The following PAQR5 variants were observed in gnomAD, a reference collection of about 807,000 sequenced individuals.
The protein encoded by PAQR5 is progestin and adipoQ receptor family member 5.
Under a neutral mutation model 34.5 loss-of-function variants are expected in PAQR5, and 20 were observed. The ratio of observed to expected loss-of-function variants is 0.58; its 90% CI spans 0.41 to 0.84. PAQR5 has a LOEUF of 0.84. Ranked by LOEUF, PAQR5 falls within the 40% of genes least tolerant of loss-of-function variation. The pLI is 0.00. For missense variants in PAQR5, 378 were observed against 412.7 expected, an observed-to-expected ratio of 0.92 and a Z score of 0.73; for synonymous variants, 131 against 155.6, an observed-to-expected ratio of 0.84 and a Z score of 1.18.
At chr15:69,337,960 C>T (rs1243990991) in intron 2 of PAQR5, among the ~76,000 whole-genome samples, 1 of 151,952 alleles carries the variant, frequency 6.6e-6, no homozygotes, top group Admixed American at 6.5e-5. Context: ...ACCTGTGGTC[C>T]CAGTTACTTG....
chr15:69,357,623 A>G (rs1174186104), intron 2 of PAQR5, among the ~76,000 whole-genome samples: 1 of 152,182 alleles, frequency 6.6e-6, no homozygotes, highest in Non-Finnish European at 1.5e-5. Context: ...TTGTTCATTC[A>G]TCCTTTAATG....
chr15:69,316,748 G>A (rs1300004043), intron 1 of PAQR5, among the ~76,000 whole-genome samples: 7 of 152,184 alleles, frequency 4.6e-5, no homozygotes, highest in Non-Finnish European at 8.8e-5. Context: ...TAGTTGCTCT[G>A]GGGATTATAA....
rs1368456230 is a variant in PAQR5 at position 69,385,871 on chromosome 15, C to T, written c.385+989C>T. 6.6e-6 allele frequency among the ~76,000 whole-genome samples: 1 copy of T among 151,422 alleles called. No individual in the cohort carries two copies. The highest frequency in any genetic ancestry group is 1.5e-5 in the Non-Finnish European group (1 of 67,842). On this transcript the variant is annotated intron_variant, in intron 5 of 8. Transcript: ENST00000395407. This position sits in a 1 kb window ranked among gnomAD's most constrained non-coding sequence, Gnocchi z 4.7. ...CACTTACATGCACACACACACACCA[C>T]ATGCCACATGTACTCACACATTGAC...
Position 69,351,598 on chromosome 15 carries a change from G to A in PAQR5, c.-115-8368G>A, listed in dbSNP as rs4516179. Among the ~76,000 whole-genome samples, 20 of 152,212 alleles carry A rather than the reference G, an allele frequency of 1.3e-4. No homozygotes were observed. The East Asian group carries it at 3.3e-3, about 25-fold the overall frequency. ...TATATAAACTCTCCAGCCCTTTGTC[G>A]CGATTTAGTTTGCAGGGCACTTGAT... is the stretch of plus-strand genomic sequence containing the variant. On this transcript the variant is annotated intron_variant, in intron 2 of 8. Transcript: ENST00000395407.
At position 69,404,885 on chromosome 15, in the gene PAQR5, AGAG is replaced by A. The variant is rs2140285363; in HGVS notation, c.*1067_*1069del. 1 of 398,438 alleles carries A rather than the reference AGAG, an allele frequency of 2.5e-6. No homozygotes were observed. The highest frequency in any genetic ancestry group is 2.1e-5 in the African/African-American group (1 of 48,714). 24.7% of individuals were successfully genotyped at this position (398,438 alleles called of 1,614,324 possible). On this transcript the variant is annotated 3_prime_UTR_variant, in exon 9 of 9. Transcript: ENST00000395407. ...TCACTAGGTTAAATGTAGGTTTTGTAGAGGAGATCTGCACTGGAGCAAGTCTCC... is the reference window on the plus strand; with the variant it reads ...TCACTAGGTTAAATGTAGGTTTTGTAGAGATCTGCACTGGAGCAAGTCTCC...
intron 8 of PAQR5, 124 bp downstream of exon 8, chr15:69,400,239 T>C: frequency 1.1e-6 from 1 of 948,732 alleles, no homozygotes; most frequent in Non-Finnish European, 1.6e-6. Flanking sequence ...CCAAGGCGAG[T>C]AACATTGCAA....
intron 4 of PAQR5, among the ~76,000 whole-genome samples, chr15:69,380,895 A>G (rs2055867346): frequency 1.3e-5 from 2 of 152,138 alleles, no homozygotes; most frequent in Admixed American, 1.3e-4. Context: ...TTGAGAAGAG[A>G]TGAGGAGTGT....
At chr15:69,306,679 A>G (rs1430707753) in intron 1 of PAQR5, among the ~76,000 whole-genome samples, 1 of 152,142 alleles carries the variant, frequency 6.6e-6, no homozygotes, top group African/African-American at 2.4e-5. Context: ...CTGGGATTAC[A>G]GGTGTGAGCC....
intron 1 of PAQR5, among the ~76,000 whole-genome samples, chr15:69,319,191 A>ATT (rs2054035852): frequency 2.2e-4 from 7 of 32,008 alleles, no homozygotes; most frequent in Non-Finnish European, 4.3e-4. Context: ...ATATATATAT[A>ATT]TATATATATA....
rs780711031 is a variant in PAQR5, at chr15:69,322,691, GGAAGAAGAAGAAGAAGAAGAAGAAGAA to G, written c.-276-14596_-276-14570del. ...AAAAAAAAGAAGAAGAAGGAGAAGA[GGAAGAAGAAGAAGAAGAAGAAGAAGAA>G]GAAGAAGAAGAAGAAGAAGAAGAAG... On this transcript the variant is annotated intron_variant, in intron 1 of 8. Coordinates refer to ENST00000395407, the MANE Select transcript of PAQR5 (RefSeq NM_017705.4). Among the ~76,000 whole-genome samples the G allele has an allele frequency of 3.6e-3, 91 of 25,460 alleles. 8 individuals are homozygous for G. The highest frequency in any genetic ancestry group is 0.013 in the African/African-American group (84 of 6,638). The allele number at this position is 25,460 out of a possible 152,430, so 16.7% of individuals were successfully genotyped here.
intron 5 of PAQR5, 93 bp downstream of exon 5, chr15:69,384,975 G>C: frequency 2.2e-6 from 2 of 893,462 alleles, no homozygotes; most frequent in South Asian, 3.2e-5. Context: ...GCTTTGATGA[G>C]TTTGCAGAAG....
chr15:69,301,136 T>C (rs996482464), intron 1 of PAQR5, among the ~76,000 whole-genome samples: 10 of 151,450 alleles, frequency 6.6e-5, no homozygotes, highest in African/African-American at 2.4e-4. Context: ...CCCGAGTAGC[T>C]GGGATTACAG....
chr15:69,299,567 C>T (rs1218603279), intron 1 of PAQR5, among the ~76,000 whole-genome samples: 2 of 152,214 alleles, frequency 1.3e-5, no homozygotes, highest in African/African-American at 4.8e-5. Flanking sequence ...GTCGTCCCGG[C>T]CCTGTTGAAG....
At chr15:69,299,337 G>C (rs1284751011) in intron 1 of PAQR5, among the ~76,000 whole-genome samples, 1 of 152,236 alleles carries the variant, frequency 6.6e-6, no homozygotes, top group Non-Finnish European at 1.5e-5. Context: ...GAGGGGAGCT[G>C]TTGCCTTCTC....
At chr15:69,370,983 T>C (rs773718672) in intron 3 of PAQR5, among the ~76,000 whole-genome samples, 7 of 152,254 alleles carry the variant, frequency 4.6e-5, no homozygotes, top group Non-Finnish European at 8.8e-5. Flanking sequence ...AACAAAAACA[T>C]GCATAATTTA....
At chr15:69,368,116 C>T (rs1329832883) in intron 3 of PAQR5, among the ~76,000 whole-genome samples, 1 of 151,984 alleles carries the variant, frequency 6.6e-6, no homozygotes, top group East Asian at 1.9e-4. Context: ...TGCAGTGGCA[C>T]TATCTTGGCT....
chr15:69,346,613 C>A (rs1370562174), intron 2 of PAQR5, among the ~76,000 whole-genome samples: 1 of 145,488 alleles, frequency 6.9e-6, no homozygotes, highest in African/African-American at 2.7e-5. Context: ...CTACCACGTC[C>A]AGCTGCAATT....
chr15:69,301,993 T>A (rs1361567036), intron 1 of PAQR5, among the ~76,000 whole-genome samples: 1 of 149,590 alleles, frequency 6.7e-6, no homozygotes, highest in Non-Finnish European at 1.5e-5. Flanking sequence ...GTGGTAGGTT[T>A]GTGCATGGGC....
In PAQR5 at chr15:69,385,836, A is replaced by G. The variant is rs1387074859; in HGVS notation, c.385+954A>G. 6.6e-6 allele frequency among the ~76,000 whole-genome samples: 1 copy of G among 151,382 alleles called. No individual in the cohort carries two copies. Among genetic ancestry groups the G allele is most frequent in the Non-Finnish European group, 1.5e-5 (1 of 67,834 alleles). On this transcript the variant is annotated intron_variant, in intron 5 of 8. Coordinates refer to ENST00000395407, the MANE Select transcript of PAQR5 (RefSeq NM_017705.4). The surrounding 1 kb of genome is among the most constrained non-coding windows in gnomAD (Gnocchi z 4.7). ...ATGCACATACACACACTCACCACAT[A>G]TACACAATACACTTACATGCACACA...
Sources: allele counts gnomAD v4.1 joint callset (sites outside exome capture counted in the v4.1 genomes callset), GRCh38; gene constraint gnomAD v4.1.1; non-coding constraint Gnocchi (gnomAD v3.1); transcripts MANE v1.5; gene names NCBI Gene and HGNC (gene_info 2026-07-23, HGNC 2026-07-21).